VSNL1: variants seen among roughly 807,000 people sequenced by gnomAD.
VSNL1 encodes the protein visinin like 1.
In VSNL1, 6 loss-of-function variants were observed where a neutral mutation model predicts 20.4. The ratio of observed to expected loss-of-function variants is 0.29; its 90% CI spans 0.16 to 0.58. The LOEUF is 0.58. Among genes scored for constraint, VSNL1 ranks in the 20% least tolerant of loss-of-function variants. The probability of loss-of-function intolerance (pLI) is 0.90; values close to 1 mark genes in which losing one functional copy is unlikely to be tolerated. For missense variants in VSNL1, 100 were observed against 234.5 expected (o/e 0.43, Z 3.75); for synonymous variants, 93 against 86.4 (o/e 1.08, Z -0.42).
chr2:17,581,626 T>C (rs970372564), intron 1 of VSNL1, among the ~76,000 whole-genome samples: 2 of 152,220 alleles, frequency 1.3e-5, no homozygotes, highest in African/African-American at 4.8e-5. Flanking sequence ...CTTTATAAAA[T>C]ATTCCTTACC....
At chr2:17,615,160 T>C (rs1255786657) in intron 2 of VSNL1, among the ~76,000 whole-genome samples, 1 of 151,960 alleles carries the variant, frequency 6.6e-6, no homozygotes, top group East Asian at 1.9e-4. Context: ...AATAGAAAGA[T>C]GTGCAGAATA....
chr2:17,617,889 G>GCACACACA (rs70961501), intron 2 of VSNL1, among the ~76,000 whole-genome samples: 2 of 149,660 alleles, frequency 1.3e-5, no homozygotes, highest in African/African-American at 4.9e-5. Flanking sequence ...ACATGCACGC[G>GCACACACA]CACACACACA....
At chr2:17,617,509 A>T (rs1177192333) in intron 2 of VSNL1, among the ~76,000 whole-genome samples, 2 of 151,478 alleles carry the variant, frequency 1.3e-5, no homozygotes, top group Non-Finnish European at 2.9e-5. Flanking sequence ...AAAAAAAAAG[A>T]GGTCTTGAGA....
chr2:17,643,951 C>A (rs1455071268), intron 2 of VSNL1, among the ~76,000 whole-genome samples: 1 of 152,166 alleles, frequency 6.6e-6, no homozygotes, highest in Non-Finnish European at 1.5e-5. Flanking sequence ...GGGGACCAGA[C>A]ACAGAAAGGT....
rs561211260 is a variant in VSNL1, at chr2:17,575,772, T to G, written c.-5-16298T>G. On this transcript the variant is annotated intron_variant, in intron 1 of 3. Coordinates refer to ENST00000295156, the MANE Select transcript of VSNL1 (RefSeq NM_003385.5). ...GGCTGGTCTCGAACTCCTGACCTTG[T>G]GATCTGCCTGCCTCGGCCTCCCAAA... Among the ~76,000 whole-genome samples, 29 of 152,108 alleles carry G rather than the reference T, an allele frequency of 1.9e-4. No individual in the cohort carries two copies. The South Asian group carries it at 4.2e-3, about 22-fold the overall frequency.
intron 2 of VSNL1, among the ~76,000 whole-genome samples, chr2:17,640,375 C>A (rs1370799269): frequency 6.6e-6 from 1 of 152,190 alleles, no homozygotes; most frequent in East Asian, 1.9e-4. Flanking sequence ...ATCCCAGACC[C>A]ATCCAACCCC....
At chr2:17,596,863 G>A (rs773789193) in intron 2 of VSNL1, among the ~76,000 whole-genome samples, 9 of 152,154 alleles carry the variant, frequency 5.9e-5, no homozygotes, top group Non-Finnish European at 8.8e-5. Flanking sequence ...AATAAGACCC[G>A]TTTTATCACC....
chr2:17,546,993 G>T (rs910611320), intron 1 of VSNL1, among the ~76,000 whole-genome samples: 1 of 151,954 alleles, frequency 6.6e-6, no homozygotes, highest in Non-Finnish European at 1.5e-5. Context: ...TCTTTTAAAT[G>T]ATTATAAAGG....
In VSNL1 at chr2:17,634,927, C is replaced by T. The variant is rs58426548; in HGVS notation, c.163-14483C>T. ...CACGGTCAGGCTCTAACTGGCAGCT[C>T]GACCCCTAGCTCGTTTGAACACACA... On this transcript the variant is annotated intron_variant, in intron 2 of 3. Coordinates refer to ENST00000295156, the MANE Select transcript of VSNL1 (RefSeq NM_003385.5). This position sits in a 1 kb window ranked among gnomAD's most constrained non-coding sequence, Gnocchi z 4.3. 2.1e-3 allele frequency among the ~76,000 whole-genome samples: 322 copies of T among 152,202 alleles called. 1 individual carries two copies. The highest frequency in any genetic ancestry group is 7.4e-3 in the African/African-American group (308 of 41,530).
chr2:17,572,440 T>G lies in VSNL1; in HGVS notation c.-5-19630T>G, dbSNP rs187205585. Among the ~76,000 whole-genome samples the G allele has an allele frequency of 2.0e-5, 3 of 152,032 alleles. No individual in the cohort carries two copies. The East Asian group carries it at 5.8e-4, about 29-fold the overall frequency. ...TTTGGGGTTTAGATCTGTGTAAGACTAGGGGTCTCTAGTCTTACACTGTGA... is the reference window on the plus strand; with the variant it reads ...TTTGGGGTTTAGATCTGTGTAAGACGAGGGGTCTCTAGTCTTACACTGTGA... On this transcript the variant is annotated intron_variant, in intron 1 of 3. Coordinates refer to ENST00000295156, the MANE Select transcript of VSNL1 (RefSeq NM_003385.5).
At chr2:17,612,330 G>GC (rs1002084199) in intron 2 of VSNL1, among the ~76,000 whole-genome samples, 2 of 152,190 alleles carry the variant, frequency 1.3e-5, no homozygotes, top group Admixed American at 6.5e-5. Context: ...TGAGCAGGGA[G>GC]CCCCCCTCCC....
intron 1 of VSNL1, among the ~76,000 whole-genome samples, chr2:17,565,784 T>A (rs1258197580): frequency 1.3e-5 from 2 of 152,222 alleles, no homozygotes; most frequent in African/African-American, 4.8e-5. Context: ...CCAAATCTCA[T>A]CTTGAATTGT....
chr2:17,607,272 A>G (rs1239156508), intron 2 of VSNL1, among the ~76,000 whole-genome samples: 3 of 152,214 alleles, frequency 2.0e-5, no homozygotes, highest in Non-Finnish European at 4.4e-5. Flanking sequence ...TAGAGTCTCA[A>G]TTTATTAAAG....
intron 1 of VSNL1, among the ~76,000 whole-genome samples, chr2:17,580,483 T>C (rs572266916): frequency 4.5e-4 from 68 of 152,320 alleles, no homozygotes; most frequent in South Asian, 1.0e-3. Context: ...TTTCTGTGCT[T>C]TGACAGGTTC....
chr2:17,646,659 ATAT>A (rs1193015375), intron 2 of VSNL1, among the ~76,000 whole-genome samples: 5 of 152,354 alleles, frequency 3.3e-5, no homozygotes, highest in African/African-American at 1.2e-4. Flanking sequence ...TGTATCTGTC[ATAT>A]TATTTATAGA....
intron 2 of VSNL1, among the ~76,000 whole-genome samples, chr2:17,604,429 G>A (rs1011484133): frequency 2.0e-5 from 3 of 152,346 alleles, no homozygotes; most frequent in East Asian, 1.9e-4. Context: ...ATCCCAGCCA[G>A]AGCTGGCAGT....
chr2:17,636,267 C>T (rs916246260), intron 2 of VSNL1, among the ~76,000 whole-genome samples: 1 of 151,896 alleles, frequency 6.6e-6, no homozygotes, highest in Non-Finnish European at 1.5e-5. Flanking sequence ...AGCAGAAGGC[C>T]TCATCTCTCT....
intron 2 of VSNL1, among the ~76,000 whole-genome samples, chr2:17,606,531 G>A (rs543650526): frequency 2.0e-5 from 3 of 152,326 alleles, no homozygotes; most frequent in East Asian, 3.9e-4. Flanking sequence ...CAGCACTGGA[G>A]TTGAGTCAGA....
chr2:17,590,648 A>G (rs962796453), intron 1 of VSNL1, among the ~76,000 whole-genome samples: 2 of 152,180 alleles, frequency 1.3e-5, no homozygotes, highest in Non-Finnish European at 2.9e-5. Flanking sequence ...GTTTCATTAC[A>G]GTGAAAGAAT....
Sources: gnomAD v4.1 joint callset for allele counts (sites outside exome capture counted in the v4.1 genomes callset) on GRCh38, gnomAD v4.1.1 for gene constraint, Gnocchi (gnomAD v3.1) non-coding constraint, MANE v1.5 for transcripts, NCBI Gene and HGNC (gene_info 2026-07-23, HGNC 2026-07-21) for gene names.